The following LGR5 variants were observed in gnomAD, a reference collection of about 807,000 sequenced individuals.
LGR5 encodes leucine-rich repeat-containing G protein-coupled receptor 5.
A neutral mutation model predicts 76.7 loss-of-function variants in LGR5; 54 were observed. That is an observed-to-expected ratio of 0.70 (90% CI 0.57 to 0.88). LGR5 has a LOEUF of 0.88. Among genes scored for constraint, LGR5 ranks in the 40% least tolerant of loss-of-function variants. LGR5 has a pLI of 0.00. For missense variants in LGR5, 1,078 were observed against 1,073.3 expected, an observed-to-expected ratio of 1.00 and a Z score of -0.06; for synonymous variants, 406 against 421.9, an observed-to-expected ratio of 0.96 and a Z score of 0.46.
chr12:71,488,410 G>C (rs556729073), intron 1 of LGR5, among the ~76,000 whole-genome samples: 1 of 152,222 alleles, frequency 6.6e-6, no homozygotes, highest in South Asian at 2.1e-4. Flanking sequence ...CTGAAGTTTT[G>C]CTGCAGTGTG....
chr12:71,555,159 A>G (rs568693081), intron 5 of LGR5, among the ~76,000 whole-genome samples: 2 of 151,776 alleles, frequency 1.3e-5, no homozygotes, highest in Non-Finnish European at 2.9e-5. Flanking sequence ...ACCAAAATTT[A>G]TTTATTAGAA....
At chr12:71,481,691 A>T (rs911775608) in intron 1 of LGR5, among the ~76,000 whole-genome samples, 1 of 152,192 alleles carries the variant, frequency 6.6e-6, no homozygotes, top group Non-Finnish European at 1.5e-5. Flanking sequence ...GGGTCACACG[A>T]TGTTAACTGC....
Position 71,584,193 on chromosome 12 carries a change from C to T in LGR5, c.2183C>T (p.Ala728Val), listed in dbSNP as rs1160499705. Residue 728 changes from alanine to valine, a missense_variant, in exon 18 of 18, where the codon GCT (alanine) becomes GTT (valine). Coordinates refer to ENST00000266674, the MANE Select transcript of LGR5 (RefSeq NM_003667.4). Reference sequence around the variant, plus strand: ...CCCAGCACCATGGGCTACATGGTCGCTCTCATCTTGCTCAATTCCCTTTGC... The same window carrying T: ...CCCAGCACCATGGGCTACATGGTCGTTCTCATCTTGCTCAATTCCCTTTGC... Reference protein sequence around the residue: ...GEPSTMGYMVALILLNSLCFL... With the variant: ...GEPSTMGYMVVLILLNSLCFL... 1.9e-6 allele frequency: 3 copies of T among 1,614,110 alleles called. No homozygotes were observed. Among genetic ancestry groups the T allele is most frequent in the Admixed American group, 1.7e-5 (1 of 60,024 alleles).
intron 1 of LGR5, among the ~76,000 whole-genome samples, chr12:71,503,826 G>A (rs1159102115): frequency 6.6e-6 from 1 of 152,132 alleles, no homozygotes. Context: ...TGGCCTCTGA[G>A]ATACAGAGGG....
chr12:71,578,768 T>C (rs377340645), intron 14 of LGR5, 36 bp from the exon 15 acceptor site: 14 of 1,572,276 alleles, frequency 8.9e-6, no homozygotes, highest in South Asian at 1.2e-5. Context: ...TATGCTAACA[T>C]AGACTAAAAG....
intron 3 of LGR5, among the ~76,000 whole-genome samples, chr12:71,531,123 T>C (rs1876286977): frequency 2.6e-5 from 4 of 152,198 alleles, no homozygotes; most frequent in Admixed American, 2.6e-4. Flanking sequence ...AGAAGTCATC[T>C]TTTGTCTCTA....
chr12:71,571,489 C>T (rs764870158), intron 11 of LGR5, 25 bp from the exon 12 acceptor site: 1 of 1,564,788 alleles, frequency 6.4e-7, no homozygotes, highest in East Asian at 2.3e-5. Context: ...ACAGATTTTC[C>T]CTTTTTGCAC....
chr12:71,490,537 T>A (rs55962843), intron 1 of LGR5, among the ~76,000 whole-genome samples: 13,595 of 152,170 alleles, frequency 0.089, 647 homozygotes, highest in Non-Finnish European at 0.11. Context: ...TCTGCTTGGG[T>A]CTGACTGGAA....
chr12:71,520,681 C>T (rs1424985970), intron 2 of LGR5, among the ~76,000 whole-genome samples: 1 of 142,640 alleles, frequency 7.0e-6, no homozygotes, highest in Admixed American at 7.7e-5. Flanking sequence ...AACAGATGGA[C>T]ACAGGGAGGG....
chr12:71,561,866 A>T lies in LGR5; in HGVS notation c.857+14A>T, dbSNP rs750386535. On this transcript the variant is annotated intron_variant, in intron 8 of 17. Transcript: ENST00000266674. Reference sequence around the variant, plus strand: ...TCTTATTACAATGTAAGTGACCATAATGCTTTTCGGTTTCTCCATCCTGAA... The same window carrying T: ...TCTTATTACAATGTAAGTGACCATATTGCTTTTCGGTTTCTCCATCCTGAA... 14 of 1,518,352 alleles carry T rather than the reference A, an allele frequency of 9.2e-6. No individual in the cohort carries two copies. The highest frequency in any genetic ancestry group is 1.2e-5 in the Non-Finnish European group (13 of 1,100,468). 94.1% of individuals were successfully genotyped at this position (1,518,352 alleles called of 1,614,324 possible).
At chr12:71,476,780 A>C (rs1204179823) in intron 1 of LGR5, among the ~76,000 whole-genome samples, 1 of 152,216 alleles carries the variant, frequency 6.6e-6, no homozygotes, top group Non-Finnish European at 1.5e-5. Flanking sequence ...CTAAGTTCCT[A>C]AGTGTGACTA....
intron 1 of LGR5, among the ~76,000 whole-genome samples, chr12:71,446,712 A>G (rs1220832523): frequency 1.3e-5 from 2 of 152,312 alleles, no homozygotes; most frequent in East Asian, 3.8e-4. Context: ...TTTTCTTTTC[A>G]GGAACACAAT....
In LGR5 at chr12:71,584,042, T is replaced by C. The variant is rs758757228; in HGVS notation, c.2032T>C (p.Phe678Leu). Residue 678 changes from phenylalanine (F) to leucine (L), a missense_variant, in exon 18 of 18, where the codon TTT becomes CTT. Coordinates refer to ENST00000266674, the MANE Select transcript of LGR5 (RefSeq NM_003667.4). ...YSAKFETKAPFSSLKVIILLC... is the reference protein window; with the variant it reads ...YSAKFETKAPLSSLKVIILLC... The stretch of plus-strand genomic sequence containing the variant: ...TGCAAAATTTGAAACGAAAGCTCCA[T>C]TTTCTAGCCTGAAAGTAATCATTTT... The C allele has an allele frequency of 2.4e-5, 38 of 1,614,096 alleles. No individual in the cohort carries two copies. Among genetic ancestry groups the C allele is most frequent in the Admixed American group, 3.3e-5 (2 of 60,008 alleles).
At chr12:71,533,196 T>A (rs191769538) in intron 3 of LGR5, among the ~76,000 whole-genome samples, 2 of 151,872 alleles carry the variant, frequency 1.3e-5, no homozygotes, top group Admixed American at 6.6e-5. Context: ...AATACAAAAA[T>A]TAGCCGGGCA....
rs543630217 is a variant in LGR5, at chr12:71,503,251, C to CT, written c.213-1357dup. Among the ~76,000 whole-genome samples, 994 of 152,200 alleles carry CT rather than the reference C, an allele frequency of 6.5e-3. 7 individuals carry two copies. The highest frequency in any genetic ancestry group is 0.022 in the African/African-American group (924 of 41,532). Reference sequence around the variant, plus strand: ...ATGAAATTGTTTATCAATTACTTGACTTTTTTATCTAGACAACGCCAGAAA... The same window carrying CT: ...ATGAAATTGTTTATCAATTACTTGACTTTTTTTATCTAGACAACGCCAGAAA... On this transcript the variant is annotated intron_variant, in intron 1 of 17. Transcript: ENST00000266674.
intron 1 of LGR5, among the ~76,000 whole-genome samples, chr12:71,481,676 T>C (rs1023341817): frequency 6.6e-6 from 1 of 152,148 alleles, no homozygotes; most frequent in Non-Finnish European, 1.5e-5. Context: ...CATGAAAGGG[T>C]CCCAGGGTCA....
At chr12:71,467,743 A>C (rs1328320396) in intron 1 of LGR5, among the ~76,000 whole-genome samples, 5 of 152,198 alleles carry the variant, frequency 3.3e-5, no homozygotes, top group Admixed American at 3.3e-4. Flanking sequence ...CATAATTCTG[A>C]ATATTCTGCC....
At chr12:71,567,537 C>T (rs1726470) in intron 11 of LGR5, among the ~76,000 whole-genome samples, 134,076 of 152,140 alleles carry the variant, frequency 0.88, 61,059 homozygotes, top group East Asian at 1. Context: ...CAATCATTGT[C>T]CTCTCAAGCA....
intron 5 of LGR5, among the ~76,000 whole-genome samples, chr12:71,554,390 A>G (rs1877655808): frequency 6.6e-6 from 1 of 152,190 alleles, no homozygotes; most frequent in Admixed American, 6.5e-5. Context: ...AAATATCTTG[A>G]ACACCAATCT....
Sources: gnomAD v4.1 joint callset for allele counts (sites outside exome capture counted in the v4.1 genomes callset) on GRCh38, gnomAD v4.1.1 for gene constraint, MANE v1.5 for transcripts, NCBI Gene and HGNC (gene_info 2026-07-23, HGNC 2026-07-21) for gene names.